The following ADARB1 variants were observed in gnomAD, a reference collection of about 807,000 sequenced individuals.
ADARB1 encodes double-stranded RNA-specific editase 1.
In ADARB1, 10 loss-of-function variants were observed where a neutral mutation model predicts 52.4. The ratio of observed to expected loss-of-function variants is 0.19; its 90% CI spans 0.12 to 0.32. The LOEUF (loss-of-function observed/expected upper bound fraction) is 0.32, where lower values mean the gene tolerates loss of function less well. Ranked by LOEUF, ADARB1 falls within the 10% of genes least tolerant of loss-of-function variation. The probability of loss-of-function intolerance (pLI) is 1.00; values close to 1 mark genes in which losing one functional copy is unlikely to be tolerated. For missense variants in ADARB1, 643 were observed against 922.3 expected (o/e 0.70, Z 3.92); for synonymous variants, 349 against 371.1 (o/e 0.94, Z 0.68).
chr21:45,150,796 C>G (rs1327690827), intron 2 of ADARB1, among the ~76,000 whole-genome samples: 1 of 152,236 alleles, frequency 6.6e-6, no homozygotes, highest in African/African-American at 2.4e-5. Context: ...TGTGTGTGTA[C>G]TGACACATGC....
chr21:45,152,187 G>T (rs1028010147), intron 2 of ADARB1, among the ~76,000 whole-genome samples: 2 of 152,166 alleles, frequency 1.3e-5, no homozygotes, highest in Non-Finnish European at 2.9e-5. Flanking sequence ...GTTACTTTTT[G>T]CAGTTTTATT....
rs2146192221 is a variant in ADARB1, at chr21:45,180,347, C to T, written c.981C>T (p.Val327=). 6.2e-7 allele frequency: 1 copy of T among 1,614,098 alleles called. No individual in the cohort carries two copies. The highest frequency in any genetic ancestry group is 2.2e-5 in the East Asian group (1 of 44,878). The change falls in exon 5 of 11, where the codon GTC becomes GTT. Residue 327 remains valine, a synonymous_variant. Transcript: ENST00000348831. The stretch of plus-strand genomic sequence containing the variant: ...CCACACAGGTTTTAGCTGACGCTGT[C>T]TCACGCCTGGTCCTGGGTAAGTTTG... ...LHLPQVLADA[V]SRLVLGKFGD... is the part of the protein sequence containing the mutation.
intron 2 of ADARB1, among the ~76,000 whole-genome samples, chr21:45,147,658 TGAA>T (rs1796630909): frequency 6.6e-6 from 1 of 152,166 alleles, no homozygotes; most frequent in Non-Finnish European, 1.5e-5. Flanking sequence ...ACAGCTGCAG[TGAA>T]GGAGGGGCTC....
At chr21:45,126,319 A>G (rs413148) in intron 1 of ADARB1, among the ~76,000 whole-genome samples, 147,980 of 152,292 alleles carry the variant, frequency 0.97, 71,900 homozygotes, top group East Asian at 1. Flanking sequence ...GCATGTGACC[A>G]CCATGCAGCT....
intron 2 of ADARB1, among the ~76,000 whole-genome samples, chr21:45,143,930 A>G (rs1208384572): frequency 6.6e-6 from 1 of 151,912 alleles, no homozygotes; most frequent in East Asian, 1.9e-4. Context: ...TATGACCCCC[A>G]TTGTCCCCAT....
intron 9 of ADARB1, among the ~76,000 whole-genome samples, chr21:45,218,086 T>G (rs538923538): frequency 3.2e-4 from 49 of 152,314 alleles, no homozygotes; most frequent in African/African-American, 9.1e-4. Flanking sequence ...ATCCATGGGT[T>G]TGTTGGTTTC....
intron 9 of ADARB1, among the ~76,000 whole-genome samples, chr21:45,216,888 G>A (rs1046202104): frequency 6.6e-6 from 1 of 151,834 alleles, no homozygotes; most frequent in Non-Finnish European, 1.5e-5. Flanking sequence ...TCTGTGATTA[G>A]ATGCATAAAA....
chr21:45,155,421 A>C (rs927358777), intron 2 of ADARB1, among the ~76,000 whole-genome samples: 1 of 152,124 alleles, frequency 6.6e-6, no homozygotes, highest in Admixed American at 6.5e-5. Flanking sequence ...CAAAGAGAGC[A>C]ACCCTTTGTG....
chr21:45,190,877 A>C (rs2146260944), intron 8 of ADARB1, among the ~76,000 whole-genome samples: 1 of 152,372 alleles, frequency 6.6e-6, no homozygotes, highest in Non-Finnish European at 1.5e-5. Context: ...GAGCCCCAGT[A>C]TGGAGGCTTC....
At chr21:45,205,460 C>T (rs898703834) in intron 9 of ADARB1, among the ~76,000 whole-genome samples, 28 of 152,132 alleles carry the variant, frequency 1.8e-4, no homozygotes, top group African/African-American at 5.3e-4. Context: ...GGGACGTTTA[C>T]GCTGTCTTAG....
chr21:45,123,358 C>T (rs1011298841), intron 1 of ADARB1, among the ~76,000 whole-genome samples: 1 of 152,104 alleles, frequency 6.6e-6, no homozygotes, highest in African/African-American at 2.4e-5. Flanking sequence ...GGCCAGAATG[C>T]AGTGGTGTGA....
intron 8 of ADARB1, among the ~76,000 whole-genome samples, chr21:45,192,313 ATGTAT>A (rs1246052888): frequency 4.6e-5 from 7 of 152,158 alleles, no homozygotes. Context: ...GAAAATTATG[ATGTAT>A]TGTATTTTAC....
In ADARB1 at chr21:45,220,245, T is replaced by G. The variant is rs2092939270; in HGVS notation, c.1748-591T>G. 6.6e-6 allele frequency among the ~76,000 whole-genome samples: 1 copy of G among 152,222 alleles called. No homozygotes were observed. Among genetic ancestry groups the G allele is most frequent in the Non-Finnish European group, 1.5e-5 (1 of 68,028 alleles). Reference sequence around the variant, plus strand: ...TGAAATCCATGAGGTTTTTTCATAATAAGCATTTTCCATGAACTTTTTCAA... The same window carrying G: ...TGAAATCCATGAGGTTTTTTCATAAGAAGCATTTTCCATGAACTTTTTCAA... On this transcript the variant is annotated intron_variant, in intron 9 of 10. Coordinates refer to ENST00000348831, the MANE Select transcript of ADARB1 (RefSeq NM_001112.4). The surrounding 1 kb of genome is among the most constrained non-coding windows in gnomAD (Gnocchi z 6.3).
At chr21:45,109,567 C>G (rs1415337075) in intron 1 of ADARB1, among the ~76,000 whole-genome samples, 1 of 152,244 alleles carries the variant, frequency 6.6e-6, no homozygotes, top group Non-Finnish European at 1.5e-5. Flanking sequence ...GCACGGGGCT[C>G]TGCGCCCCCC....
At chr21:45,173,262 A>G (rs2091561617) in intron 3 of ADARB1, among the ~76,000 whole-genome samples, 1 of 152,204 alleles carries the variant, frequency 6.6e-6, no homozygotes, top group African/African-American at 2.4e-5. Flanking sequence ...TTTTGAAAGC[A>G]ATGCAAAGCC....
rs1170952608 is a variant in ADARB1, at chr21:45,186,009, A to G, written c.1565+918A>G. Among the ~76,000 whole-genome samples, 5 of 152,334 alleles carry G rather than the reference A, an allele frequency of 3.3e-5. No homozygotes were observed. The South Asian group carries it at 8.3e-4, about 25-fold the overall frequency. On this transcript the variant is annotated intron_variant, in intron 8 of 10. Coordinates refer to ENST00000348831, the MANE Select transcript of ADARB1 (RefSeq NM_001112.4). ...CTGGATTAATCACACATTTTGGGCC[A>G]TTGCCCACAGCCCAGGTGACCACTG...
intron 8 of ADARB1, among the ~76,000 whole-genome samples, chr21:45,195,827 T>C (rs539626371): frequency 1.3e-5 from 2 of 152,344 alleles, no homozygotes; most frequent in African/African-American, 4.8e-5. Flanking sequence ...AGTAAGTCTT[T>C]AAGTCAGGTA....
chr21:45,160,714 T>G (rs2090919570), intron 2 of ADARB1, among the ~76,000 whole-genome samples: 1 of 152,376 alleles, frequency 6.6e-6, no homozygotes, highest in South Asian at 2.1e-4. Context: ...TTTATTTGCC[T>G]TTTAATCATT....
Position 45,176,768 on chromosome 21 carries a change from A to T in ADARB1, c.963+104A>T. ...ATTACTGTTGACTTTCCACCTTGAC[A>T]TCACTCTGTCCCCACCAGGAGGAGT... On this transcript the variant is annotated intron_variant, in intron 4 of 10. Transcript: ENST00000348831. The surrounding 1 kb of genome is among the most constrained non-coding windows in gnomAD (Gnocchi z 5.8). The T allele has an allele frequency of 8.0e-7, 1 of 1,249,150 alleles. No homozygotes were observed. Among genetic ancestry groups the T allele is most frequent in the Non-Finnish European group, 1.1e-6 (1 of 916,944 alleles). The allele number at this position is 1,249,150 out of a possible 1,614,324, so 77.4% of individuals were successfully genotyped here.
Sources: allele counts gnomAD v4.1 joint callset (sites outside exome capture counted in the v4.1 genomes callset), GRCh38; gene constraint gnomAD v4.1.1; non-coding constraint Gnocchi (gnomAD v3.1); transcripts MANE v1.5; gene names NCBI Gene and HGNC (gene_info 2026-07-23, HGNC 2026-07-21).